SHH: variants seen among roughly 807,000 people sequenced by gnomAD.
SHH encodes the protein sonic hedgehog protein.
A neutral mutation model predicts 16.6 loss-of-function variants in SHH; 3 were observed. The observed-to-expected ratio is 0.18, with a 90% CI of 0.08 to 0.47. SHH has a LOEUF of 0.47. Among genes scored for constraint, SHH ranks in the 20% least tolerant of loss-of-function variants. The probability of loss-of-function intolerance (pLI) is 0.98; values close to 1 mark genes in which losing one functional copy is unlikely to be tolerated. For missense variants in SHH, 499 were observed against 665.0 expected, an observed-to-expected ratio of 0.75 and a Z score of 2.75; for synonymous variants, 351 against 316.2, an observed-to-expected ratio of 1.11 and a Z score of -1.17.
Position 155,800,710 on chromosome 7 carries a change from A to G in SHH, c.*2190T>C, listed in dbSNP as rs770453327. ...AGTCTTTTACAGAAAAAGGCTGAGGACTGCTCCTGAGGAGAGGGCTCCAGA... is the reference window on the plus strand; with the variant it reads ...AGTCTTTTACAGAAAAAGGCTGAGGGCTGCTCCTGAGGAGAGGGCTCCAGA... On this transcript the variant is annotated 3_prime_UTR_variant, in exon 3 of 3. Transcript: ENST00000297261. 1 of 463,232 alleles carries G rather than the reference A, an allele frequency of 2.2e-6. No individual in the cohort carries two copies. The highest frequency in any genetic ancestry group is 1.6e-5 in the South Asian group (1 of 64,190). The allele number at this position is 463,232 out of a possible 1,614,324, so 28.7% of individuals were successfully genotyped here. A position where few individuals can be genotyped will look rare whatever the true frequency, so the allele number is the denominator to read the frequency against.
At chr7:155,810,460 G>A (rs1386982588) in intron 1 of SHH, among the ~76,000 whole-genome samples, 1 of 152,248 alleles carries the variant, frequency 6.6e-6, no homozygotes, top group Non-Finnish European at 1.5e-5. Flanking sequence ...CCAGCTGCAC[G>A]CAACGGGCAC....
Position 155,803,319 on chromosome 7 carries a change from C to A in SHH, c.970G>T (p.Asp324Tyr). 2.0e-6 allele frequency: 3 copies of A among 1,475,974 alleles called. No homozygotes were observed. The highest frequency in any genetic ancestry group is 2.7e-6 in the Non-Finnish European group (3 of 1,121,270). 91.4% of individuals were successfully genotyped at this position (1,475,974 alleles called of 1,614,324 possible). A position where few individuals can be genotyped will look rare whatever the true frequency, so the allele number is the denominator to read the frequency against. Residue 324 changes from aspartate to tyrosine, a missense_variant, in exon 3 of 3, where the codon GAC becomes TAC. Physicochemically the swap from Asp to Tyr is radical, Grantham distance 160. Around this residue, in one of 4 missense-constraint regions of SHH, gnomAD observed 299 missense variants for 301.1 expected, o/e 0.99. Transcript: ENST00000297261. Reference protein sequence around the residue: ...RVYVVAERDGDRRLLPAAVHS... With the variant: ...RVYVVAERDGYRRLLPAAVHS... Reference sequence around the variant, plus strand: ...ACAGCGGCGGGCAGGAGCCGGCGGTCCCCGTCACGCTCGGCCACCACGTAC... The same window carrying A: ...ACAGCGGCGGGCAGGAGCCGGCGGTACCCGTCACGCTCGGCCACCACGTAC...
intron 1 of SHH, among the ~76,000 whole-genome samples, chr7:155,810,093 C>T (rs1431323068): frequency 6.6e-6 from 1 of 152,224 alleles, no homozygotes; most frequent in Non-Finnish European, 1.5e-5. Flanking sequence ...AGCCCAGCCC[C>T]TCGCGCACTG....
rs954297514 is a variant in SHH at position 155,803,411 on chromosome 7, G to C, written c.878C>G (p.Pro293Arg). 13 of 1,519,534 alleles carry C rather than the reference G, an allele frequency of 8.6e-6. No individual in the cohort carries two copies. Among genetic ancestry groups the C allele is most frequent in the Middle Eastern group, 2.2e-4 (1 of 4,648 alleles). 94.1% of individuals were successfully genotyped at this position (1,519,534 alleles called of 1,614,324 possible). Reference sequence around the variant, plus strand: ...AGGCCCCAGTGCGCCCCCGGAAGGCGGCCCCGAGCCCGAGGACGCCTCGGG... The same window carrying C: ...AGGCCCCAGTGCGCCCCCGGAAGGCCGCCCCGAGCCCGAGGACGCCTCGGG... The part of the protein sequence containing the change: ...GEPEASSGSG[P>R]PSGGALGPRA... Residue 293 changes from proline to arginine, a missense_variant, in exon 3 of 3, where the codon CCG (proline) becomes CGG (arginine). By Grantham distance (103) the Pro-to-Arg change is moderately radical. This residue lies in a region of SHH where 299 missense variants were observed against 301.1 expected (regional missense o/e 0.99). Coordinates refer to ENST00000297261, the MANE Select transcript of SHH (RefSeq NM_000193.4).
At position 155,802,866 on chromosome 7, in the gene SHH, C is replaced by CCCCCCCA; in HGVS notation, c.*33_*34insTGGGGGG. The CCCCCCCA allele has an allele frequency of 3.3e-6, 2 of 604,208 alleles. No homozygotes were observed. The highest frequency in any genetic ancestry group is 5.1e-6 in the Non-Finnish European group (2 of 391,526). 37.4% of individuals were successfully genotyped at this position (604,208 alleles called of 1,614,324 possible). A position where few individuals can be genotyped will look rare whatever the true frequency, so the allele number is the denominator to read the frequency against. On this transcript the variant is annotated 3_prime_UTR_variant, in exon 3 of 3. Transcript: ENST00000297261. ...GCGTTGCTGTTGCTGCCCCGCCCCG[C>CCCCCCCA]CCCCTCCCGCGCCCCTCCCCCGGCC...
chr7:155,805,083 G>C, intron 2 of SHH, among the ~76,000 whole-genome samples: 1 of 151,770 alleles, frequency 6.6e-6, no homozygotes, highest in East Asian at 2.0e-4. Flanking sequence ...CTCCCGCGCC[G>C]CGGCTCCGCT....
chr7:155,802,855 G>GCCCCCCC lies in SHH; in HGVS notation c.*44_*45insGGGGGGG. 8.8e-6 allele frequency: 6 copies of GCCCCCCC among 683,310 alleles called. No individual in the cohort carries two copies. The highest frequency in any genetic ancestry group is 3.9e-5 in the Admixed American group (1 of 25,356). 42.3% of individuals were successfully genotyped at this position (683,310 alleles called of 1,614,324 possible). A position where few individuals can be genotyped will look rare whatever the true frequency, so the allele number is the denominator to read the frequency against. Reference sequence around the variant, plus strand: ...CTTTTTGCTTTGCGTTGCTGTTGCTGCCCCGCCCCGCCCCCTCCCGCGCCC... The same window carrying GCCCCCCC: ...CTTTTTGCTTTGCGTTGCTGTTGCTGCCCCCCCCCCCGCCCCGCCCCCTCCCGCGCCC... On this transcript the variant is annotated 3_prime_UTR_variant, in exon 3 of 3. Transcript: ENST00000297261.
In SHH at chr7:155,806,286, G is replaced by A. The variant is rs765571064; in HGVS notation, c.562+10C>T. ...CTTGGGTCGGATCCGGGGGGCCAGGGCCAGCTTACCTGCTTTCACCGAGCA... is the reference window on the plus strand; with the variant it reads ...CTTGGGTCGGATCCGGGGGGCCAGGACCAGCTTACCTGCTTTCACCGAGCA... On this transcript the variant is annotated intron_variant, in intron 2 of 2. Coordinates refer to ENST00000297261, the MANE Select transcript of SHH (RefSeq NM_000193.4). The A allele has an allele frequency of 3.1e-6, 5 of 1,612,938 alleles. No individual in the cohort carries two copies. The highest frequency in any genetic ancestry group is 3.4e-6 in the Non-Finnish European group (4 of 1,180,014).
At chr7:155,804,287 G>A (rs1250819549) in intron 2 of SHH, among the ~76,000 whole-genome samples, 1 of 151,938 alleles carries the variant, frequency 6.6e-6, no homozygotes, top group African/African-American at 2.4e-5. Context: ...GCGTGGGCCT[G>A]CGGAGGGGCG....
intron 1 of SHH, among the ~76,000 whole-genome samples, chr7:155,808,781 C>A (rs1015420433): frequency 1.3e-5 from 2 of 152,192 alleles, no homozygotes; most frequent in South Asian, 4.1e-4. Flanking sequence ...TTTGTGTCGG[C>A]GGAGGCCAAG....
rs950967964 is a variant in SHH at position 155,802,689 on chromosome 7, T to A, written c.*211A>T. On this transcript the variant is annotated 3_prime_UTR_variant, in exon 3 of 3. Transcript: ENST00000297261. ...CAAAATAAAACAATAACCAAAAAAA[T>A]TCAAAAAATATATATCAACTAAGCA... 30 of 395,582 alleles carry A rather than the reference T, an allele frequency of 7.6e-5. No individual in the cohort carries two copies. The highest frequency in any genetic ancestry group is 4.5e-5 in the Admixed American group (1 of 22,464). 24.5% of individuals were successfully genotyped at this position (395,582 alleles called of 1,614,324 possible).
rs963790499 is a variant in SHH at position 155,800,703 on chromosome 7, G to C, written c.*2197C>G. ...AAAGAAAAGTCTTTTACAGAAAAAG[G>C]CTGAGGACTGCTCCTGAGGAGAGGG... is the stretch of plus-strand genomic sequence containing the variant. On this transcript the variant is annotated 3_prime_UTR_variant, in exon 3 of 3. Coordinates refer to ENST00000297261, the MANE Select transcript of SHH (RefSeq NM_000193.4). 2 of 464,964 alleles carry C rather than the reference G, an allele frequency of 4.3e-6. No homozygotes were observed. Among genetic ancestry groups the C allele is most frequent in the African/African-American group, 2.0e-5 (1 of 49,952 alleles). 28.8% of individuals were successfully genotyped at this position (464,964 alleles called of 1,614,324 possible). A position where few individuals can be genotyped will look rare whatever the true frequency, so the allele number is the denominator to read the frequency against.
chr7:155,806,794 G>C (rs1454239015), intron 1 of SHH: 3 of 627,392 alleles, frequency 4.8e-6, no homozygotes, highest in South Asian at 3.7e-5. Flanking sequence ...GGTAGAGCTG[G>C]GGGCCTTTCT....
intron 1 of SHH, 94 bp from the exon 2 acceptor site, chr7:155,806,651 C>T (rs1803371053): frequency 6.6e-7 from 1 of 1,522,360 alleles, no homozygotes; most frequent in Non-Finnish European, 9.1e-7. Flanking sequence ...TGCCCAGTCT[C>T]AAGGCGCGAG....
Position 155,802,883 on chromosome 7 carries a change from C to T in SHH, c.*17G>A, listed in dbSNP as rs1416649528. 1 of 1,273,590 alleles carries T rather than the reference C, an allele frequency of 7.9e-7. No individual in the cohort carries two copies. Among genetic ancestry groups the T allele is most frequent in the Non-Finnish European group, 1.0e-6 (1 of 986,018 alleles). 78.9% of individuals were successfully genotyped at this position (1,273,590 alleles called of 1,614,324 possible). ...CCGCCCCGCCCCCTCCCGCGCCCCT[C>T]CCCCGGCCCCCCGGCTTCAGCTGGA... is the stretch of plus-strand genomic sequence containing the variant. On this transcript the variant is annotated 3_prime_UTR_variant, in exon 3 of 3. Transcript: ENST00000297261.
intron 1 of SHH, among the ~76,000 whole-genome samples, chr7:155,810,315 C>T (rs1803492698): frequency 6.6e-6 from 1 of 152,216 alleles, no homozygotes; most frequent in Non-Finnish European, 1.5e-5. Flanking sequence ...CCTCGGGTAT[C>T]CACGCCCCCG....
intron 2 of SHH, among the ~76,000 whole-genome samples, chr7:155,804,877 C>T (rs1584798799): frequency 6.6e-6 from 1 of 152,196 alleles, no homozygotes; most frequent in Non-Finnish European, 1.5e-5. Context: ...AATCTTCCTG[C>T]TGGAATTACA....
intron 1 of SHH, among the ~76,000 whole-genome samples, chr7:155,811,512 G>T (rs1803522230): frequency 6.6e-6 from 1 of 152,188 alleles, no homozygotes; most frequent in Non-Finnish European, 1.5e-5. Flanking sequence ...GTCTCCCCAA[G>T]TTACAAGCCA....
In SHH at chr7:155,802,182, A is replaced by C. The variant is rs1298954865; in HGVS notation, c.*718T>G. ...TTCCAAGAATGTGGCAAAATGGTGAATACAAAGGGAATATGAAACCATAAA... is the reference window on the plus strand; with the variant it reads ...TTCCAAGAATGTGGCAAAATGGTGACTACAAAGGGAATATGAAACCATAAA... On this transcript the variant is annotated 3_prime_UTR_variant, in exon 3 of 3. Coordinates refer to ENST00000297261, the MANE Select transcript of SHH (RefSeq NM_000193.4). The C allele has an allele frequency of 6.6e-6, 1 of 152,082 alleles. No homozygotes were observed. Among genetic ancestry groups the C allele is most frequent in the Non-Finnish European group, 1.5e-5 (1 of 68,028 alleles). The allele number at this position is 152,082 out of a possible 1,614,324, so 9.4% of individuals were successfully genotyped here. A position where few individuals can be genotyped will look rare whatever the true frequency, so the allele number is the denominator to read the frequency against.
Sources: allele counts gnomAD v4.1 joint callset (sites outside exome capture counted in the v4.1 genomes callset), GRCh38; gene constraint gnomAD v4.1.1; regional missense constraint gnomAD v4.1.1; transcripts MANE v1.5; gene names NCBI Gene and HGNC (gene_info 2026-07-23, HGNC 2026-07-21).